The following CCDC30 variants were observed in gnomAD, a reference collection of about 807,000 sequenced individuals.
CCDC30 encodes the protein coiled-coil domain containing 30.
In CCDC30, 70 loss-of-function variants were observed where a neutral mutation model predicts 100.2. The ratio of observed to expected loss-of-function variants is 0.70; its 90% CI spans 0.58 to 0.85. CCDC30 has a LOEUF of 0.85. CCDC30 is among the 40% of genes least tolerant of loss of function. The pLI is 0.00. For synonymous variants in CCDC30, 233 were observed against 269.5 expected, an observed-to-expected ratio of 0.86 and a Z score of 1.33; for missense variants, 652 against 771.2, an observed-to-expected ratio of 0.85 and a Z score of 1.83.
At chr1:42,563,876 CAA>C (rs879572200) in intron 6 of CCDC30, among the ~76,000 whole-genome samples, 1 of 133,830 alleles carries the variant, frequency 7.5e-6, no homozygotes, top group Admixed American at 7.6e-5. Context: ...GACTCCATCT[CAA>C]AAAAAAAAAA....
At chr1:42,655,393 CAATT>C (rs1485765708), downstream of CCDC30, among the ~76,000 whole-genome samples, 1 of 151,772 alleles carries the variant, frequency 6.6e-6, no homozygotes. Flanking sequence ...AATACAAAAA[CAATT>C]AGCCAGGTGT....
intron 6 of CCDC30, 108 bp downstream of exon 9, chr1:42,545,687 C>A: frequency 1.1e-6 from 1 of 952,140 alleles, no homozygotes; most frequent in Admixed American, 3.3e-5. Context: ...TGGCTTAAGT[C>A]TGTAATCCCA....
rs371590622 is a variant in CCDC30 at position 42,549,028 on chromosome 1, T to C, written c.457-17268T>C. Among the ~76,000 whole-genome samples, 54 of 152,270 alleles carry C rather than the reference T, an allele frequency of 3.5e-4. 1 individual carries two copies. In the South Asian group the frequency reaches 0.011, roughly 30 times the overall value. On this transcript the variant is annotated intron_variant, in intron 6 of 16. Coordinates refer to ENST00000668663, the Ensembl canonical transcript of CCDC30. ...CTTTTGTCATAGAGTAACGGACTCT[T>C]AGAACTGGAAGGACCTTCAGGAGAT...
intron 6 of CCDC30, among the ~76,000 whole-genome samples, chr1:42,521,011 T>C (rs1644635099): frequency 6.6e-6 from 1 of 150,680 alleles, no homozygotes; most frequent in African/African-American, 2.4e-5. Flanking sequence ...TCTCGCTCTT[T>C]TGCCCAGGCT....
At chr1:42,493,508 A>T (rs1314082396) in intron 4 of CCDC30, among the ~76,000 whole-genome samples, 2 of 152,136 alleles carry the variant, frequency 1.3e-5, no homozygotes, top group African/African-American at 4.8e-5. Context: ...AGAATCTCGA[A>T]CCTGGGAGGC....
the CCDC30 span, chr1:42,456,488 C>T: frequency 1.4e-6 from 2 of 1,383,370 alleles, no homozygotes; most frequent in Non-Finnish European, 1.9e-6. Flanking sequence ...TACGGCGCGG[C>T]GCGTACACCA....
chr1:42,555,548 C>T (rs12133732), intron 6 of CCDC30, among the ~76,000 whole-genome samples: 2,211 of 152,274 alleles, frequency 0.015, 27 homozygotes, highest in Non-Finnish European at 0.023. Context: ...ATCATTATAA[C>T]CTGTGTCTGC....
intron 11 of CCDC30, among the ~76,000 whole-genome samples, chr1:42,625,189 A>C (rs1646909117): frequency 6.6e-6 from 1 of 152,270 alleles, no homozygotes; most frequent in African/African-American, 2.4e-5. Context: ...CATAATAGCC[A>C]CTAACGATAC....
intron 4 of CCDC30, among the ~76,000 whole-genome samples, chr1:42,494,159 A>G (rs1644191707): frequency 1.3e-5 from 2 of 152,254 alleles, no homozygotes; most frequent in South Asian, 2.1e-4. Flanking sequence ...CAAAACAGAT[A>G]TAGATCAATG....
intron 1 of CCDC30, among the ~76,000 whole-genome samples, chr1:42,472,582 G>A (rs1346207328): frequency 2.0e-5 from 3 of 151,092 alleles, no homozygotes; most frequent in African/African-American, 7.3e-5. Context: ...CTTTAAAAAA[G>A]AAACAAGAGC....
At chr1:42,608,224 C>T (rs1323709664) in intron 10 of CCDC30, among the ~76,000 whole-genome samples, 2 of 152,164 alleles carry the variant, frequency 1.3e-5, no homozygotes, top group Non-Finnish European at 2.9e-5. Flanking sequence ...TCATCACACA[C>T]GGTACTCTAT....
At chr1:42,626,944 A>C (rs1646944556) in intron 11 of CCDC30, among the ~76,000 whole-genome samples, 1 of 152,184 alleles carries the variant, frequency 6.6e-6, no homozygotes, top group South Asian at 2.1e-4. Flanking sequence ...GTACCAGTAG[A>C]TTGGGGCATT....
At chr1:42,498,555 G>A (rs946593510) in intron 5 of CCDC30, among the ~76,000 whole-genome samples, 6 of 152,130 alleles carry the variant, frequency 3.9e-5, no homozygotes, top group Non-Finnish European at 8.8e-5. Flanking sequence ...ATAAATTTAT[G>A]TATCTAATAC....
chr1:42,500,984 T>C (rs573802818), intron 6 of CCDC30, among the ~76,000 whole-genome samples: 1 of 152,294 alleles, frequency 6.6e-6, no homozygotes, highest in African/African-American at 2.4e-5. Context: ...TTTCATTTTC[T>C]TAATAGTGTT....
chr1:42,567,141 A>C (rs1010058261), intron 7 of CCDC30, among the ~76,000 whole-genome samples: 2 of 151,990 alleles, frequency 1.3e-5, no homozygotes, highest in African/African-American at 4.8e-5. Flanking sequence ...AGACACACTG[A>C]GAGTTTAATG....
At chr1:42,616,100 G>C (rs1646722812) in intron 11 of CCDC30, among the ~76,000 whole-genome samples, 1 of 152,022 alleles carries the variant, frequency 6.6e-6, no homozygotes, top group Non-Finnish European at 1.5e-5. Context: ...ATTTTTAGTA[G>C]AGACAGGGTT....
At chr1:42,532,179 T>C (rs904980226) in intron 6 of CCDC30, among the ~76,000 whole-genome samples, 15 of 152,164 alleles carry the variant, frequency 9.9e-5, no homozygotes, top group Admixed American at 3.9e-4. Flanking sequence ...GTTTCCAAAC[T>C]GTGTTCCAGG....
At chr1:42,510,248 C>A in intron 6 of CCDC30, 1 of 446,112 alleles carries the variant, frequency 2.2e-6, no homozygotes, top group South Asian at 9.4e-5. Flanking sequence ...CCATAGGAGA[C>A]AGATTGCTCA....
At chr1:42,604,397 C>T (rs1407053573) in intron 10 of CCDC30, among the ~76,000 whole-genome samples, 2 of 152,202 alleles carry the variant, frequency 1.3e-5, no homozygotes, top group Admixed American at 1.3e-4. Flanking sequence ...ATAGCCCTCA[C>T]TCCTCAGGTT....
Sources: gnomAD v4.1 joint callset for allele counts (sites outside exome capture counted in the v4.1 genomes callset) on GRCh38, gnomAD v4.1.1 for gene constraint, MANE v1.5 for transcripts, NCBI Gene and HGNC (gene_info 2026-07-23, HGNC 2026-07-21) for gene names.